XPR1: variants seen among roughly 807,000 people sequenced by gnomAD.
The protein encoded by XPR1 is solute carrier family 53 member 1.
A neutral mutation model predicts 87.5 loss-of-function variants in XPR1; 28 were observed. The ratio of observed to expected loss-of-function variants is 0.32; its 90% CI spans 0.24 to 0.44. The LOEUF is 0.44. XPR1 is among the 20% of genes least tolerant of loss of function. The pLI, the probability that XPR1 is intolerant of heterozygous loss-of-function variation, is 1.00. For missense variants in XPR1, 559 were observed against 862.3 expected (o/e 0.65, Z 4.41); for synonymous variants, 300 against 306.1 (o/e 0.98, Z 0.21).
intron 1 of XPR1, among the ~76,000 whole-genome samples, chr1:180,648,334 C>G (rs1247982279): frequency 6.6e-6 from 1 of 152,148 alleles, no homozygotes; most frequent in African/African-American, 2.4e-5. Flanking sequence ...TTTAGCTGCG[C>G]TATGTGAGAG....
intron 11 of XPR1, among the ~76,000 whole-genome samples, chr1:180,860,747 T>C (rs1338354294): frequency 6.6e-6 from 1 of 151,610 alleles, no homozygotes; most frequent in Admixed American, 6.6e-5. Flanking sequence ...GTCTGTAACT[T>C]GATTGTAGTG....
intron 1 of XPR1, among the ~76,000 whole-genome samples, chr1:180,659,231 TTCC>T (rs1655659218): frequency 3.6e-5 from 1 of 27,878 alleles, no homozygotes; most frequent in Non-Finnish European, 9.9e-5. Context: ...CCTTCCTTCC[TTCC>T]TTCCTTCCTT....
At chr1:180,758,328 A>G (rs1206391653) in intron 2 of XPR1, among the ~76,000 whole-genome samples, 1 of 152,188 alleles carries the variant, frequency 6.6e-6, no homozygotes, top group African/African-American at 2.4e-5. Context: ...ATTTGTGGTT[A>G]CCAGAGACGG....
At chr1:180,745,598 G>A (rs943516356) in intron 2 of XPR1, among the ~76,000 whole-genome samples, 10 of 152,138 alleles carry the variant, frequency 6.6e-5, no homozygotes, top group South Asian at 6.2e-4. Context: ...AGAAAAGGGG[G>A]GGATGTTTCC....
At chr1:180,728,902 A>G (rs1267617671) in intron 2 of XPR1, among the ~76,000 whole-genome samples, 1 of 152,124 alleles carries the variant, frequency 6.6e-6, no homozygotes, top group East Asian at 1.9e-4. Context: ...GGCTTGTGAT[A>G]TGTGTCATAG....
At chr1:180,800,614 G>A (rs1181086024) in intron 3 of XPR1, among the ~76,000 whole-genome samples, 1 of 152,200 alleles carries the variant, frequency 6.6e-6, no homozygotes, top group South Asian at 2.1e-4. Flanking sequence ...GCTAATAAAT[G>A]GGGTTTCTTT....
intron 14 of XPR1, 136 bp downstream of exon 14, chr1:180,880,433 G>T (rs1571255810): frequency 1.1e-6 from 1 of 884,390 alleles, no homozygotes. Flanking sequence ...CAAAAAAACA[G>T]TAATAAGCAG....
At chr1:180,740,872 T>A (rs972603447) in intron 2 of XPR1, among the ~76,000 whole-genome samples, 1 of 152,208 alleles carries the variant, frequency 6.6e-6, no homozygotes, top group African/African-American at 2.4e-5. Flanking sequence ...GGCCCCTAGA[T>A]GACTGTCTCC....
chr1:180,712,195 T>C (rs1282169504), intron 2 of XPR1, among the ~76,000 whole-genome samples: 1 of 152,252 alleles, frequency 6.6e-6, no homozygotes, highest in Non-Finnish European at 1.5e-5. Context: ...ATCATTACTC[T>C]TGCCCTTTGT....
chr1:180,736,810 A>G (rs56838822), intron 2 of XPR1, among the ~76,000 whole-genome samples: 1 of 152,112 alleles, frequency 6.6e-6, no homozygotes, highest in African/African-American at 2.4e-5. Context: ...ATGAGACATT[A>G]TGTGTTCAAC....
chr1:180,703,946 G>A (rs910698717), intron 2 of XPR1, among the ~76,000 whole-genome samples: 1 of 151,938 alleles, frequency 6.6e-6, no homozygotes, highest in Non-Finnish European at 1.5e-5. Context: ...AATTCTGTTT[G>A]TTAGAGCTAA....
intron 11 of XPR1, among the ~76,000 whole-genome samples, chr1:180,846,446 TTTA>T (rs1320828838): frequency 3.2e-5 from 4 of 123,826 alleles, no homozygotes; most frequent in African/African-American, 9.3e-5. Flanking sequence ...TGTTTATTTA[TTTA>T]TTTTTTTTTT....
intron 2 of XPR1, among the ~76,000 whole-genome samples, chr1:180,696,888 T>C (rs570938671): frequency 1.3e-5 from 2 of 152,294 alleles, no homozygotes; most frequent in South Asian, 4.1e-4. Context: ...TTTTGTTTGT[T>C]AATATTTTGT....
chr1:180,728,644 G>A (rs1426315664), intron 2 of XPR1, among the ~76,000 whole-genome samples: 1 of 152,194 alleles, frequency 6.6e-6, no homozygotes, highest in African/African-American at 2.4e-5. Flanking sequence ...AGTTTGAGAA[G>A]CATTGCTGTA....
intron 11 of XPR1, among the ~76,000 whole-genome samples, chr1:180,860,994 C>G (rs1256833556): frequency 1.3e-5 from 2 of 152,038 alleles, no homozygotes; most frequent in Admixed American, 1.3e-4. Flanking sequence ...TCTTCACAAT[C>G]TCCTTTTATG....
chr1:180,818,102 A>G (rs1293944360), intron 7 of XPR1, among the ~76,000 whole-genome samples: 1 of 152,142 alleles, frequency 6.6e-6, no homozygotes, highest in Non-Finnish European at 1.5e-5. Context: ...TCTATGCATC[A>G]AGAAATTCTT....
chr1:180,835,244 T>C (rs1651238575), intron 10 of XPR1, among the ~76,000 whole-genome samples, 199 bp downstream of exon 10: 1 of 152,248 alleles, frequency 6.6e-6, no homozygotes, highest in Non-Finnish European at 1.5e-5. Context: ...TAGGATTTCG[T>C]CTGTCCATTT....
At chr1:180,636,836 G>C (rs1039631578) in intron 1 of XPR1, among the ~76,000 whole-genome samples, 4 of 152,166 alleles carry the variant, frequency 2.6e-5, no homozygotes, top group Non-Finnish European at 4.4e-5. Flanking sequence ...CGGATCACTT[G>C]AGGTCAAGAG....
At chr1:180,661,756 T>G (rs1655787932) in intron 1 of XPR1, among the ~76,000 whole-genome samples, 1 of 152,054 alleles carries the variant, frequency 6.6e-6, no homozygotes, top group African/African-American at 2.4e-5. Flanking sequence ...GTACCTGTAG[T>G]CCCAGCTAAT....
Sources: gnomAD v4.1 joint callset for allele counts (sites outside exome capture counted in the v4.1 genomes callset) on GRCh38, gnomAD v4.1.1 for gene constraint, MANE v1.5 for transcripts, NCBI Gene and HGNC (gene_info 2026-07-23, HGNC 2026-07-21) for gene names.